Variants in EML6 observed in about 807,000 individuals in gnomAD.
EML6 encodes the protein echinoderm microtubule-associated protein-like 6.
In EML6, 154 loss-of-function variants were observed where a neutral mutation model predicts 240.1. That is an observed-to-expected ratio of 0.64 (90% CI 0.56 to 0.73). The LOEUF is 0.73. EML6 is among the 30% of genes least tolerant of loss of function. The probability of loss-of-function intolerance (pLI) is 0.00; values close to 1 mark genes in which losing one functional copy is unlikely to be tolerated. For missense variants in EML6, 2,964 were observed against 2,474.6 expected (o/e 1.20, Z -4.20); for synonymous variants, 1,148 against 899.0 (o/e 1.28, Z -4.95).
At chr2:54,920,945 C>T (rs1397169773) in intron 26 of EML6, among the ~76,000 whole-genome samples, 1 of 151,558 alleles carries the variant, frequency 6.6e-6, no homozygotes, top group Non-Finnish European at 1.5e-5. Context: ...AAAGGATGGA[C>T]AAAATTCAAC....
At chr2:54,922,229 T>G (rs1674293210) in intron 26 of EML6, among the ~76,000 whole-genome samples, 3 of 152,198 alleles carry the variant, frequency 2.0e-5, no homozygotes. Context: ...TAACTATGAT[T>G]TTAAAACAGG....
At position 54,827,577 on chromosome 2, in the gene EML6, G is replaced by A. The variant is rs760634819; in HGVS notation, c.537G>A (p.Leu179=). 1.3e-5 allele frequency: 20 copies of A among 1,551,348 alleles called. No homozygotes were observed. The highest frequency in any genetic ancestry group is 1.7e-5 in the Non-Finnish European group (20 of 1,146,888). The change falls in exon 6 of 42, where the codon CTG becomes CTA. Residue 179 remains leucine (L), a synonymous_variant. Coordinates refer to ENST00000356458, the MANE Select transcript of EML6 (RefSeq NM_001039753.4). ...CGVKHIKFWT[L]CGNALTAKRG... ...CACTTACATTGTAGTTTTGGACACT[G>A]TGTGGAAATGCCCTGACTGCAAAAA...
At chr2:54,830,825 T>C (rs950733764) in intron 7 of EML6, among the ~76,000 whole-genome samples, 2 of 152,198 alleles carry the variant, frequency 1.3e-5, no homozygotes, top group African/African-American at 4.8e-5. Flanking sequence ...AATGTGCATC[T>C]AAGTCAACTA....
At chr2:54,840,162 C>T (rs573856753) in intron 7 of EML6, among the ~76,000 whole-genome samples, 4 of 152,274 alleles carry the variant, frequency 2.6e-5, no homozygotes, top group South Asian at 2.1e-4. Context: ...GCTCCAGGCC[C>T]TTGGGACAAA....
intron 28 of EML6, among the ~76,000 whole-genome samples, chr2:54,938,506 G>A (rs1336171699): frequency 6.6e-6 from 1 of 152,162 alleles, no homozygotes; most frequent in Non-Finnish European, 1.5e-5. Flanking sequence ...TCTCTGAGAT[G>A]TATTTTATAC....
intron 21 of EML6, among the ~76,000 whole-genome samples, chr2:54,896,516 C>T (rs1041941931): frequency 1.3e-5 from 2 of 152,054 alleles, no homozygotes; most frequent in Admixed American, 6.5e-5. Flanking sequence ...TGTGGAGGTG[C>T]GTTAGGTAGT....
intron 2 of EML6, among the ~76,000 whole-genome samples, chr2:54,803,098 C>G (rs918042306): frequency 6.6e-6 from 1 of 152,050 alleles, no homozygotes; most frequent in Non-Finnish European, 1.5e-5. Context: ...AGAGAAAAAA[C>G]TTGGAAAGAG....
chr2:54,844,345 C>G, intron 8 of EML6, 97 bp downstream of exon 8: 3 of 921,956 alleles, frequency 3.3e-6, no homozygotes, highest in South Asian at 1.5e-5. Flanking sequence ...AGAACAGAAC[C>G]ACACAGTTTC....
intron 17 of EML6, among the ~76,000 whole-genome samples, chr2:54,888,657 T>C (rs539837770): frequency 4.8e-4 from 73 of 152,320 alleles, no homozygotes; most frequent in Middle Eastern, 3.4e-3. Context: ...CTTAATGATA[T>C]ATATTTACAT....
intron 16 of EML6, among the ~76,000 whole-genome samples, chr2:54,873,122 A>C (rs936378361): frequency 2.6e-5 from 4 of 152,196 alleles, no homozygotes; most frequent in Non-Finnish European, 5.9e-5. Context: ...CCCTATTACT[A>C]CTAGAATTTT....
intron 26 of EML6, among the ~76,000 whole-genome samples, chr2:54,918,271 A>T (rs554554472): frequency 6.6e-6 from 1 of 152,330 alleles, no homozygotes; most frequent in East Asian, 1.9e-4. Context: ...AGAAAAAAAG[A>T]CAGACTGGAA....
chr2:54,816,234 C>T (rs1025591486), intron 3 of EML6, among the ~76,000 whole-genome samples: 1 of 152,176 alleles, frequency 6.6e-6, no homozygotes, highest in African/African-American at 2.4e-5. Context: ...AGGTTCTGAC[C>T]TGAACCCAGG....
At chr2:54,949,070 C>G in intron 29 of EML6, 110 bp downstream of exon 29, 1 of 803,572 alleles carries the variant, frequency 1.2e-6, no homozygotes, top group Non-Finnish European at 2.1e-6. Context: ...GAGTAGGTCC[C>G]TTGGGCTCTC....
At chr2:54,894,497 G>T (rs2104130790) in intron 19 of EML6, among the ~76,000 whole-genome samples, 1 of 152,186 alleles carries the variant, frequency 6.6e-6, no homozygotes, top group Middle Eastern at 3.4e-3. Context: ...ATTTTTAAAT[G>T]TTTAACAATA....
rs183360352 is a variant in EML6, at chr2:54,865,152, C to A, written c.1932+1263C>A. Among the ~76,000 whole-genome samples the A allele has an allele frequency of 2.1e-3, 327 of 152,134 alleles. 7 individuals carry two copies. Among genetic ancestry groups the A allele is most frequent in the South Asian group, 0.018 (88 of 4,814 alleles). ...CAATACAGAATTTAGGAAAAGAAAT[C>A]TTTAATTGGGAAGTGTTTGTTTAAT... On this transcript the variant is annotated intron_variant, in intron 13 of 41. Transcript: ENST00000356458.
At chr2:54,799,408 C>T (rs931010510) in intron 2 of EML6, among the ~76,000 whole-genome samples, 42 of 151,714 alleles carry the variant, frequency 2.8e-4, no homozygotes, top group African/African-American at 6.3e-4. Flanking sequence ...TGTGGTGGCG[C>T]GATCTCCGTT....
Position 54,917,412 on chromosome 2 carries a change from T to C in EML6, c.3675+477T>C, listed in dbSNP as rs1472657896. Among the ~76,000 whole-genome samples, 149 of 147,268 alleles carry C rather than the reference T, an allele frequency of 1.0e-3. 7 individuals carry two copies. Among genetic ancestry groups the C allele is most frequent in the Non-Finnish European group, 8.9e-5 (6 of 67,294 alleles). On this transcript the variant is annotated intron_variant, in intron 26 of 41. Transcript: ENST00000356458. ...CGGAGTTTCACTCTTTTGCCCAGGC[T>C]GGAGTGCAGTGGCGCCATCTCGGCT...
intron 7 of EML6, among the ~76,000 whole-genome samples, chr2:54,833,493 G>C (rs761867193): frequency 6.2e-4 from 95 of 152,230 alleles, no homozygotes; most frequent in African/African-American, 2.2e-3. Flanking sequence ...GAGCTAATTA[G>C]GACACTTGAC....
chr2:54,883,856 C>T (rs934508488), intron 17 of EML6, among the ~76,000 whole-genome samples: 5 of 152,122 alleles, frequency 3.3e-5, no homozygotes, highest in Non-Finnish European at 7.4e-5. Flanking sequence ...CATTTACATG[C>T]CATCATTAGC....
Sources: allele counts gnomAD v4.1 joint callset (sites outside exome capture counted in the v4.1 genomes callset), GRCh38; gene constraint gnomAD v4.1.1; transcripts MANE v1.5; gene names NCBI Gene and HGNC (gene_info 2026-07-23, HGNC 2026-07-21).